The following ABCC9 variants were observed in gnomAD, a reference collection of about 807,000 sequenced individuals.
ABCC9 encodes ATP-binding cassette sub-family C member 9.
Under a neutral mutation model 188.3 loss-of-function variants are expected in ABCC9, and 95 were observed. That is an observed-to-expected ratio of 0.50 (90% CI 0.43 to 0.60). The LOEUF (loss-of-function observed/expected upper bound fraction) is 0.60, where lower values mean the gene tolerates loss of function less well. Ranked by LOEUF, ABCC9 falls within the 20% of genes least tolerant of loss-of-function variation. The probability of loss-of-function intolerance (pLI) is 0.00; values close to 1 mark genes in which losing one functional copy is unlikely to be tolerated. For synonymous variants in ABCC9, 659 were observed against 652.7 expected, an observed-to-expected ratio of 1.01 and a Z score of -0.15; for missense variants, 1,102 against 1,876.3, an observed-to-expected ratio of 0.59 and a Z score of 7.62.
At chr12:21,818,010 C>CA in intron 32 of ABCC9, 140 bp downstream of exon 32, 1 of 566,280 alleles carries the variant, frequency 1.8e-6, no homozygotes. Context: ...TCCCTCCCCT[C>CA]ACCCCCACCC....
rs138214068 is a variant in ABCC9, at chr12:21,819,630, A to T, written c.3670-1379T>A. ...TGATGTTTAATTCACAAGGATTTTT[A>T]AAGGAATAAAAATGTTAAATACCAG... On this transcript the variant is annotated intron_variant, in intron 31 of 39. Coordinates refer to ENST00000261200, the MANE Select transcript of ABCC9 (RefSeq NM_020297.4). Among the ~76,000 whole-genome samples, 8 of 152,330 alleles carry T rather than the reference A, an allele frequency of 5.3e-5. No individual in the cohort carries two copies. The East Asian group carries it at 1.2e-3, about 22-fold the overall frequency.
chr12:21,897,867 A>T (rs1474272295), intron 12 of ABCC9, among the ~76,000 whole-genome samples: 1 of 147,376 alleles, frequency 6.8e-6, no homozygotes, highest in African/African-American at 2.5e-5. Flanking sequence ...TTGACTCAAT[A>T]CCAACACAAC....
At chr12:21,918,893 C>A (rs960717113) in intron 5 of ABCC9, among the ~76,000 whole-genome samples, 3 of 152,020 alleles carry the variant, frequency 2.0e-5, no homozygotes, top group Non-Finnish European at 2.9e-5. Flanking sequence ...TCTTTTCATG[C>A]AGTAAGATAT....
In ABCC9 at chr12:21,903,921, A is replaced by G. The variant is rs1002387308; in HGVS notation, c.1618+2205T>C. 2.0e-5 allele frequency among the ~76,000 whole-genome samples: 3 copies of G among 152,216 alleles called. No homozygotes were observed. The East Asian group carries it at 5.8e-4, about 29-fold the overall frequency. On this transcript the variant is annotated intron_variant, in intron 12 of 39. Coordinates refer to ENST00000261200, the MANE Select transcript of ABCC9 (RefSeq NM_020297.4). Reference sequence around the variant, plus strand: ...CCAATGACTTTCTTCACAGAATTGAAAAAAACTACTTTAAAGTTCATATGG... The same window carrying G: ...CCAATGACTTTCTTCACAGAATTGAGAAAAACTACTTTAAAGTTCATATGG...
intron 31 of ABCC9, among the ~76,000 whole-genome samples, chr12:21,820,422 C>T (rs1942969868): frequency 6.6e-6 from 1 of 152,062 alleles, no homozygotes; most frequent in Non-Finnish European, 1.5e-5. Flanking sequence ...TATCACTCCC[C>T]TGTTTAGAAT....
chr12:21,870,625 C>G (rs10841902), intron 18 of ABCC9, among the ~76,000 whole-genome samples: 44,643 of 151,984 alleles, frequency 0.29, 7,595 homozygotes, highest in Middle Eastern at 0.44. Context: ...TGTTTTTTTC[C>G]TCACGTTTCC....
chr12:21,909,532 A>G (rs1248960092), intron 10 of ABCC9, among the ~76,000 whole-genome samples: 2 of 151,922 alleles, frequency 1.3e-5, no homozygotes, highest in Non-Finnish European at 2.9e-5. Context: ...GAAGAAGAAA[A>G]CGTGTCTTTA....
intron 30 of ABCC9, among the ~76,000 whole-genome samples, chr12:21,829,712 A>G (rs1219015789): frequency 1.3e-5 from 2 of 152,308 alleles, no homozygotes; most frequent in East Asian, 3.9e-4. Flanking sequence ...ACTACATTAA[A>G]AGGGCCTTAC....
chr12:21,831,632 G>C lies in ABCC9; in HGVS notation c.3567-2572C>G, dbSNP rs868374247. Among the ~76,000 whole-genome samples, 37 of 152,140 alleles carry C rather than the reference G, an allele frequency of 2.4e-4. 1 individual carries two copies. The highest frequency in any genetic ancestry group is 1.9e-4 in the African/African-American group (8 of 41,420). ...GAGTGAAGGGTGGAGAGAGAGGAAGGGTTAAGCAAGGTGTCACAAAGGACA... is the reference window on the plus strand; with the variant it reads ...GAGTGAAGGGTGGAGAGAGAGGAAGCGTTAAGCAAGGTGTCACAAAGGACA... On this transcript the variant is annotated intron_variant, in intron 30 of 39. Transcript: ENST00000261200.
At chr12:21,916,524 GT>G (rs1371851434) in intron 6 of ABCC9, among the ~76,000 whole-genome samples, 1 of 152,100 alleles carries the variant, frequency 6.6e-6, no homozygotes, top group Non-Finnish European at 1.5e-5. Context: ...ATCTCTACAT[GT>G]TTCTTCATCA....
At chr12:21,915,611 C>A in intron 7 of ABCC9, 57 bp downstream of exon 7, 1 of 1,587,356 alleles carries the variant, frequency 6.3e-7, no homozygotes, top group South Asian at 1.1e-5. Flanking sequence ...CTCCCAGGTT[C>A]ATGCCAACAG....
At chr12:21,814,123 T>G (rs113775042) in intron 35 of ABCC9, among the ~76,000 whole-genome samples, 1,974 of 152,312 alleles carry the variant, frequency 0.013, 13 homozygotes, top group Non-Finnish European at 0.022. Context: ...GTTTTGTGTA[T>G]GTTGTTACCA....
intron 8 of ABCC9, among the ~76,000 whole-genome samples, chr12:21,911,844 G>A (rs1401902671): frequency 1.3e-5 from 2 of 151,976 alleles, no homozygotes; most frequent in Non-Finnish European, 2.9e-5. Flanking sequence ...AATTAGGCTA[G>A]TAGGGACAAA....
At chr12:21,862,560 C>T (rs367755046) in intron 20 of ABCC9, among the ~76,000 whole-genome samples, 28 of 148,766 alleles carry the variant, frequency 1.9e-4, no homozygotes, top group African/African-American at 7.0e-4. Context: ...TTCCCAGTCA[C>T]CAGACCCCTC....
chr12:21,879,639 A>G (rs1218534071), intron 16 of ABCC9, among the ~76,000 whole-genome samples: 1 of 151,624 alleles, frequency 6.6e-6, no homozygotes, highest in Non-Finnish European at 1.5e-5. Flanking sequence ...TTTTTTTTAA[A>G]TTTAAAGGCA....
intron 21 of ABCC9, 39 bp downstream of exon 21, chr12:21,860,932 A>G (rs1344605753): frequency 2.7e-6 from 4 of 1,492,892 alleles, no homozygotes; most frequent in Non-Finnish European, 3.7e-6. Context: ...ACTTTTCTAG[A>G]TTTTTGTTCA....
intron 10 of ABCC9, among the ~76,000 whole-genome samples, chr12:21,908,965 G>T (rs767714041): frequency 6.6e-6 from 1 of 151,756 alleles, no homozygotes; most frequent in Non-Finnish European, 1.5e-5. Flanking sequence ...ATCAATTAAT[G>T]AACTGTATCC....
Position 21,910,839 on chromosome 12 carries a change from C to T in ABCC9, c.1151G>A (p.Arg384His), listed in dbSNP as rs374574602. The change falls in exon 9 of 40, where the codon CGT (arginine) becomes CAT (histidine). Residue 384 changes from arginine (R) to histidine (H), a missense_variant. Coordinates refer to ENST00000261200, the MANE Select transcript of ABCC9 (RefSeq NM_020297.4). ...YVTIETGINL[R>H]GALLAMIYNK... ...GCCTTTACATACCAGCAGAGCTCCACGGAGGTTAATGCCAGTCTCTATGGT... is the reference window on the plus strand; with the variant it reads ...GCCTTTACATACCAGCAGAGCTCCATGGAGGTTAATGCCAGTCTCTATGGT... The T allele has an allele frequency of 1.1e-5, 17 of 1,611,932 alleles. No homozygotes were observed. The highest frequency in any genetic ancestry group is 2.2e-5 in the South Asian group (2 of 91,044).
intron 12 of ABCC9, among the ~76,000 whole-genome samples, chr12:21,904,221 C>T (rs1368271112): frequency 4.6e-5 from 7 of 152,138 alleles, no homozygotes; most frequent in Non-Finnish European, 1.0e-4. Context: ...AACTGGCTAT[C>T]CATATGTAGA....
Sources: allele counts gnomAD v4.1 joint callset (sites outside exome capture counted in the v4.1 genomes callset), GRCh38; gene constraint gnomAD v4.1.1; transcripts MANE v1.5; gene names NCBI Gene and HGNC (gene_info 2026-07-23, HGNC 2026-07-21).